Variants in BPNT2 observed in about 807,000 individuals in gnomAD.
BPNT2 encodes the protein Golgi-resident adenosine 3',5'-bisphosphate 3'-phosphatase.
BPNT2 carries 11 observed loss-of-function variants against 29.3 expected under a neutral mutation model. The observed-to-expected ratio is 0.38, with a 90% CI of 0.24 to 0.62. BPNT2 has a LOEUF of 0.62. Ranked by LOEUF, BPNT2 falls within the 20% of genes least tolerant of loss-of-function variation. The probability of loss-of-function intolerance (pLI) is 0.62; values close to 1 mark genes in which losing one functional copy is unlikely to be tolerated. For missense variants in BPNT2, 459 were observed against 473.4 expected (o/e 0.97, Z 0.28); for synonymous variants, 195 against 187.7 (o/e 1.04, Z -0.32).
intron 1 of BPNT2, among the ~76,000 whole-genome samples, chr8:56,984,701 C>G (rs1806300498): frequency 6.6e-6 from 1 of 152,188 alleles, no homozygotes; most frequent in Non-Finnish European, 1.5e-5. Flanking sequence ...CAGAGCTTCC[C>G]TTCTCAACCC....
chr8:56,993,053 G>A, intron 1 of BPNT2, 146 bp downstream of exon 1: 1 of 1,500,874 alleles, frequency 6.7e-7, no homozygotes, highest in Non-Finnish European at 8.9e-7. Context: ...TCTGCTGTCT[G>A]TCTGACCTTG....
intron 3 of BPNT2, chr8:56,966,965 G>A (rs1023245881): frequency 2.9e-6 from 1 of 340,080 alleles, no homozygotes; most frequent in African/African-American, 2.1e-5. Flanking sequence ...AGCCTTATCA[G>A]AGAGTATTAA....
rs1806123276 is a variant in BPNT2, at chr8:56,975,932, T to C, written c.646+2118A>G. 1.3e-5 allele frequency among the ~76,000 whole-genome samples: 2 copies of C among 152,198 alleles called. 1 individual carries two copies. Among genetic ancestry groups the C allele is most frequent in the Admixed American group, 1.3e-4 (2 of 15,278 alleles). On this transcript the variant is annotated intron_variant, in intron 3 of 4. Coordinates refer to ENST00000262644, the MANE Select transcript of BPNT2 (RefSeq NM_017813.5). ...GAGAGTACTGATTTTAGTAACTGTG[T>C]CCCTCTCTCTGTGTAGCAGTACTAT...
Position 56,961,389 on chromosome 8 carries a change from TA to T in BPNT2, c.*2403del, listed in dbSNP as rs1259486091. 1 of 152,108 alleles carries T rather than the reference TA, an allele frequency of 6.6e-6. No homozygotes were observed. Among genetic ancestry groups the T allele is most frequent in the Non-Finnish European group, 1.5e-5 (1 of 68,024 alleles). The allele number at this position is 152,108 out of a possible 1,614,324, so 9.4% of individuals were successfully genotyped here. Reference sequence around the variant, plus strand: ...TAATTCTGCAACGTATATTGGCTTTTAAAAACAAACAATTTTAAAAATGAAC... The same window carrying T: ...TAATTCTGCAACGTATATTGGCTTTTAAAACAAACAATTTTAAAAATGAAC... On this transcript the variant is annotated 3_prime_UTR_variant, in exon 5 of 5. Transcript: ENST00000262644.
rs181410297 is a variant in BPNT2, at chr8:56,971,952, G to A, written c.647-5600C>T. Among the ~76,000 whole-genome samples the A allele has an allele frequency of 3.6e-4, 54 of 151,942 alleles. No homozygotes were observed. In the East Asian group the frequency reaches 7.8e-3, roughly 22 times the overall value. On this transcript the variant is annotated intron_variant, in intron 3 of 4. Transcript: ENST00000262644. ...CTACTAAAAATACAAAAAATTAGCC[G>A]GGCGTGGTGTCAGGCATCTGCAGTT... is the stretch of plus-strand genomic sequence containing the variant.
intron 3 of BPNT2, among the ~76,000 whole-genome samples, chr8:56,967,431 A>G (rs1176885064): frequency 6.6e-6 from 1 of 152,294 alleles, no homozygotes; most frequent in Middle Eastern, 3.4e-3. Flanking sequence ...GTAGGGAGGT[A>G]AACACTGAAG....
intron 3 of BPNT2, among the ~76,000 whole-genome samples, chr8:56,969,748 CA>C (rs1806002576): frequency 6.6e-6 from 1 of 151,970 alleles, no homozygotes; most frequent in Non-Finnish European, 1.5e-5. Context: ...TTAGTAAAAG[CA>C]ACAAAAAGAA....
At chr8:56,982,253 G>A (rs1254894434) in intron 1 of BPNT2, among the ~76,000 whole-genome samples, 1 of 151,552 alleles carries the variant, frequency 6.6e-6, no homozygotes, top group Non-Finnish European at 1.5e-5. Flanking sequence ...CCTCCGAGTA[G>A]CTGGCACTAC....
chr8:56,967,369 T>C (rs1805969026), intron 3 of BPNT2, among the ~76,000 whole-genome samples: 1 of 152,152 alleles, frequency 6.6e-6, no homozygotes, highest in Non-Finnish European at 1.5e-5. Flanking sequence ...GCTCTGTACC[T>C]ACAGAGTAAG....
chr8:56,972,896 G>C (rs901882920), intron 3 of BPNT2, among the ~76,000 whole-genome samples: 1 of 151,782 alleles, frequency 6.6e-6, no homozygotes, highest in African/African-American at 2.4e-5. Flanking sequence ...ACATTTATTA[G>C]TAAGGAAGAG....
chr8:56,978,578 C>T (rs1246334433), intron 2 of BPNT2, among the ~76,000 whole-genome samples: 2 of 151,856 alleles, frequency 1.3e-5, no homozygotes, highest in African/African-American at 4.8e-5. Flanking sequence ...ATTATAAAGA[C>T]ACATGCATGT....
chr8:56,986,222 CA>C (rs1159589525), intron 1 of BPNT2, among the ~76,000 whole-genome samples: 8 of 152,146 alleles, frequency 5.3e-5, no homozygotes, highest in African/African-American at 1.9e-4. Flanking sequence ...CTTTAAACCT[CA>C]ACCTTGCATC....
Position 56,963,721 on chromosome 8 carries a change from T to A in BPNT2, c.*72A>T. 2 of 1,561,132 alleles carry A rather than the reference T, an allele frequency of 1.3e-6. No homozygotes were observed. The highest frequency in any genetic ancestry group is 1.8e-6 in the Non-Finnish European group (2 of 1,134,200). ...CTTAACCATGCATAGTCTCCACCAA[T>A]CCTTTGAAGCTTCCAGCATCTCAGG... On this transcript the variant is annotated 3_prime_UTR_variant, in exon 5 of 5. Transcript: ENST00000262644.
intron 1 of BPNT2, among the ~76,000 whole-genome samples, chr8:56,983,325 A>G (rs1163437465): frequency 6.6e-6 from 1 of 152,246 alleles, no homozygotes; most frequent in Non-Finnish European, 1.5e-5. Context: ...TCTAAAGAAA[A>G]TAAGCCTGGC....
chr8:56,980,111 T>C lies in BPNT2; in HGVS notation c.474A>G (p.Val158=), dbSNP rs771106180. The C allele has an allele frequency of 9.3e-6, 15 of 1,613,120 alleles. No individual in the cohort carries two copies. The South Asian group carries it at 1.5e-4, about 17-fold the overall frequency. Residue 158 remains valine, a synonymous_variant, in exon 2 of 5, where the codon GTA becomes GTG. Coordinates refer to ENST00000262644, the MANE Select transcript of BPNT2 (RefSeq NM_017813.5). The part of the protein sequence containing the change: ...HKIPEDILKE[V]TTPKEVPAES... ...CTGCTGGTACCTCTTTAGGAGTAGT[T>C]ACTTCCTTTAGGATATCCTCAGGAA...
chr8:56,969,898 CTAACT>C lies in BPNT2; in HGVS notation c.647-3551_647-3547del, dbSNP rs1243618377. ...GTTACCGCTGGAAGGGTTCTATACT[CTAACT>C]CCTTACTCTGAAAATTGGTAAATAA... is the stretch of plus-strand genomic sequence containing the variant. On this transcript the variant is annotated intron_variant, in intron 3 of 4. Transcript: ENST00000262644. 4.6e-5 allele frequency among the ~76,000 whole-genome samples: 7 copies of C among 152,242 alleles called. No homozygotes were observed. The East Asian group carries it at 7.7e-4, about 17-fold the overall frequency.
chr8:56,985,032 A>C (rs1179843882), intron 1 of BPNT2, among the ~76,000 whole-genome samples: 1 of 151,840 alleles, frequency 6.6e-6, no homozygotes, highest in African/African-American at 2.4e-5. Flanking sequence ...TCTCGGCTCA[A>C]ATGAGACTGC....
chr8:56,991,618 C>T (rs528494230), intron 1 of BPNT2, among the ~76,000 whole-genome samples: 1 of 152,308 alleles, frequency 6.6e-6, no homozygotes, highest in African/African-American at 2.4e-5. Context: ...TGTCACGAGC[C>T]TCAGATTTCC....
At position 56,964,035 on chromosome 8, in the gene BPNT2, G is replaced by T. The variant is rs1455815981; in HGVS notation, c.838C>A (p.Pro280Thr). 12 of 1,601,712 alleles carry T rather than the reference G, an allele frequency of 7.5e-6. No individual in the cohort carries two copies. The highest frequency in any genetic ancestry group is 1.0e-5 in the Non-Finnish European group (12 of 1,172,134). The change falls in exon 5 of 5, where the codon CCT becomes ACT. Residue 280 changes from proline to threonine, a missense_variant. By Grantham distance (38) the Pro-to-Thr change is conservative. Transcript: ENST00000262644. ...GYKVLALLDVPDKSQEKADLY... is the reference protein window; with the variant it reads ...GYKVLALLDVTDKSQEKADLY... ...TCAGCTTTTTCTTGACTCTTATCAG[G>T]CACATCCAAAAGTGCTAAAACTTTA...
Sources: allele counts gnomAD v4.1 joint callset (sites outside exome capture counted in the v4.1 genomes callset), GRCh38; gene constraint gnomAD v4.1.1; transcripts MANE v1.5; gene names NCBI Gene and HGNC (gene_info 2026-07-23, HGNC 2026-07-21).